Variants in NTN1 observed in about 807,000 individuals in gnomAD.
NTN1 encodes the protein netrin-1.
Under a neutral mutation model 54.2 loss-of-function variants are expected in NTN1, and 11 were observed. The observed-to-expected ratio is 0.20, with a 90% CI of 0.13 to 0.34. The LOEUF (loss-of-function observed/expected upper bound fraction) is 0.34. Ranked by LOEUF, NTN1 falls within the 10% of genes least tolerant of loss-of-function variation. The pLI is 1.00. For synonymous variants in NTN1, 371 were observed against 382.0 expected, an observed-to-expected ratio of 0.97 and a Z score of 0.33; for missense variants, 740 against 893.1, an observed-to-expected ratio of 0.83 and a Z score of 2.18.
intron 2 of NTN1, among the ~76,000 whole-genome samples, chr17:9,083,895 A>T (rs115929135): frequency 2.5e-3 from 375 of 152,304 alleles, no homozygotes; most frequent in African/African-American, 8.6e-3. Flanking sequence ...AGAGACAGAT[A>T]TGCTTAGAAT....
chr17:9,227,631 G>T (rs55668271), intron 6 of NTN1, among the ~76,000 whole-genome samples: 5 of 9,480 alleles, frequency 5.3e-4, no homozygotes, highest in African/African-American at 2.5e-3. Context: ...AGACTATCAC[G>T]CACACACATC....
At chr17:9,109,501 G>A (rs1193659688) in intron 2 of NTN1, among the ~76,000 whole-genome samples, 1 of 152,184 alleles carries the variant, frequency 6.6e-6, no homozygotes, top group Admixed American at 6.5e-5. Context: ...CCATGCCATT[G>A]TATAAACAAG....
intron 2 of NTN1, among the ~76,000 whole-genome samples, chr17:9,103,681 A>G (rs1242412386): frequency 6.6e-6 from 1 of 152,106 alleles, no homozygotes; most frequent in Admixed American, 6.6e-5. Context: ...GACTAATACA[A>G]CATACAATGG....
chr17:9,059,646 C>T lies in NTN1; in HGVS notation c.1018+36255C>T, dbSNP rs190531300. On this transcript the variant is annotated intron_variant, in intron 2 of 6. Coordinates refer to ENST00000173229, the MANE Select transcript of NTN1 (RefSeq NM_004822.3). ...AAAGCAGATTAGTGATTGCCAGGGG[C>T]GGGAGGAAGGGGAAATGGGGAGTGA... Among the ~76,000 whole-genome samples the T allele has an allele frequency of 1.6e-3, 237 of 151,912 alleles. 1 individual carries two copies. Among genetic ancestry groups the T allele is most frequent in the African/African-American group, 5.5e-3 (226 of 41,418 alleles).
chr17:9,192,872 G>T (rs957404780), intron 5 of NTN1, among the ~76,000 whole-genome samples: 1 of 152,134 alleles, frequency 6.6e-6, no homozygotes, highest in Admixed American at 6.5e-5. Context: ...CCTGAGGTCA[G>T]GAGTTCAAGA....
intron 2 of NTN1, among the ~76,000 whole-genome samples, chr17:9,070,678 G>A (rs887547412): frequency 2.6e-5 from 4 of 152,066 alleles, no homozygotes; most frequent in Non-Finnish European, 4.4e-5. Flanking sequence ...TGCAACCTCC[G>A]CCTCCCGGGT....
At chr17:9,193,972 A>T (rs1257415761) in intron 5 of NTN1, among the ~76,000 whole-genome samples, 1 of 145,886 alleles carries the variant, frequency 6.9e-6, no homozygotes, top group Admixed American at 7.0e-5. Flanking sequence ...GCAGAGGCTC[A>T]CGCCTGTAAT....
At position 9,084,645 on chromosome 17, in the gene NTN1, G is replaced by GTTT. The variant is rs35003160; in HGVS notation, c.1018+61276_1018+61278dup. Among the ~76,000 whole-genome samples the GTTT allele has an allele frequency of 3.2e-3, 264 of 83,304 alleles. 7 individuals are homozygous for GTTT. Among genetic ancestry groups the GTTT allele is most frequent in the Non-Finnish European group, 3.7e-3 (155 of 41,876 alleles). 54.7% of individuals were successfully genotyped at this position (83,304 alleles called of 152,430 possible). On this transcript the variant is annotated intron_variant, in intron 2 of 6. Transcript: ENST00000173229. ...TTCAGCTTTGGCTTTGTTCTTTGCAGTTTTTTTTTTTTTTTTTTTTTTTTG... is the reference window on the plus strand; with the variant it reads ...TTCAGCTTTGGCTTTGTTCTTTGCAGTTTTTTTTTTTTTTTTTTTTTTTTTTTG...
intron 2 of NTN1, among the ~76,000 whole-genome samples, chr17:9,127,845 A>G (rs2092252436): frequency 6.6e-6 from 1 of 152,036 alleles, no homozygotes; most frequent in Admixed American, 6.6e-5. Context: ...GGTCGGGCAC[A>G]GTGATGCACG....
intron 2 of NTN1, among the ~76,000 whole-genome samples, chr17:9,150,988 G>A (rs59095159): frequency 0.015 from 2,237 of 152,210 alleles, 56 homozygotes; most frequent in African/African-American, 0.051. Context: ...CAAACCCCAC[G>A]AAATGCCCTC....
At chr17:9,031,721 G>T (rs1224447124) in intron 2 of NTN1, among the ~76,000 whole-genome samples, 1 of 152,128 alleles carries the variant, frequency 6.6e-6, no homozygotes, top group African/African-American at 2.4e-5. Flanking sequence ...GAGGCAGGCA[G>T]ATTATTTGAG....
chr17:9,103,512 A>G (rs1597488584), intron 2 of NTN1, among the ~76,000 whole-genome samples: 1 of 151,832 alleles, frequency 6.6e-6, no homozygotes, highest in Non-Finnish European at 1.5e-5. Flanking sequence ...CCTTCAGTCT[A>G]TACTTCTGCT....
chr17:9,087,700 A>G (rs1328285822), intron 2 of NTN1, among the ~76,000 whole-genome samples: 5 of 152,202 alleles, frequency 3.3e-5, no homozygotes, highest in Non-Finnish European at 5.9e-5. Context: ...AATCAAGCTG[A>G]GAGTTCTCAG....
chr17:9,192,992 A>G (rs1904503570), intron 5 of NTN1, among the ~76,000 whole-genome samples: 1 of 151,052 alleles, frequency 6.6e-6, no homozygotes, highest in Non-Finnish European at 1.5e-5. Context: ...AGGCAGGAGA[A>G]TCACTTGAAC....
At chr17:9,005,750 C>T in the NTN1 span, among the ~76,000 whole-genome samples, 1 of 152,200 alleles carries the variant, frequency 6.6e-6, no homozygotes, top group Non-Finnish European at 1.5e-5. Context: ...CTCCAGTATC[C>T]TCCAGAATGT....
At chr17:9,132,095 G>T (rs1464325913) in intron 2 of NTN1, among the ~76,000 whole-genome samples, 5 of 151,866 alleles carry the variant, frequency 3.3e-5, no homozygotes, top group Admixed American at 6.6e-5. Flanking sequence ...CCGCGCAGGA[G>T]TTAGACCATG....
Position 9,143,898 on chromosome 17 carries a change from CT to C in NTN1, c.1019-18900del, listed in dbSNP as rs34801624. ...GGAATCCTAAATACACCTTTACCTG[CT>C]TTTTTTTTTTTTTTGAGATGGAATT... On this transcript the variant is annotated intron_variant, in intron 2 of 6. Coordinates refer to ENST00000173229, the MANE Select transcript of NTN1 (RefSeq NM_004822.3). Among the ~76,000 whole-genome samples the C allele has an allele frequency of 7.4e-3, 1,042 of 140,522 alleles. 1 individual carries two copies. Among genetic ancestry groups the C allele is most frequent in the Middle Eastern group, 0.015 (4 of 266 alleles). 92.2% of individuals were successfully genotyped at this position (140,522 alleles called of 152,430 possible).
At chr17:9,130,765 T>A (rs141269660) in intron 2 of NTN1, among the ~76,000 whole-genome samples, 16 of 152,276 alleles carry the variant, frequency 1.1e-4, no homozygotes, top group Admixed American at 1.3e-4. Context: ...TACCCTACCC[T>A]GATTCAGGCC....
the NTN1 span, among the ~76,000 whole-genome samples, chr17:9,014,357 TG>T: frequency 6.8e-4 from 103 of 151,378 alleles, no homozygotes; most frequent in African/African-American, 2.5e-3. Flanking sequence ...ATTATACATA[TG>T]AAAAAAAGCA....
Sources: gnomAD v4.1 joint callset for allele counts (sites outside exome capture counted in the v4.1 genomes callset) on GRCh38, gnomAD v4.1.1 for gene constraint, MANE v1.5 for transcripts, NCBI Gene and HGNC (gene_info 2026-07-23, HGNC 2026-07-21) for gene names.